Variants in ENTPD5 observed in about 807,000 individuals in gnomAD.
ENTPD5 encodes the protein nucleoside diphosphate phosphatase ENTPD5.
Under a neutral mutation model 60.2 loss-of-function variants are expected in ENTPD5, and 49 were observed. The observed-to-expected ratio is 0.81, with a 90% CI of 0.65 to 1.03. The LOEUF (loss-of-function observed/expected upper bound fraction) is 1.03. ENTPD5 is among the 50% of genes least tolerant of loss of function. ENTPD5 has a pLI of 0.00. For synonymous variants in ENTPD5, 187 were observed against 185.4 expected, an observed-to-expected ratio of 1.01 and a Z score of -0.07; for missense variants, 480 against 507.6, an observed-to-expected ratio of 0.95 and a Z score of 0.52.
intron 2 of ENTPD5, among the ~76,000 whole-genome samples, chr14:74,013,831 T>C (rs2058923879): frequency 6.6e-6 from 1 of 152,232 alleles, no homozygotes; most frequent in African/African-American, 2.4e-5. Flanking sequence ...ATTCATTAAA[T>C]GTTTCTTAAA....
intron 3 of ENTPD5, among the ~76,000 whole-genome samples, chr14:73,991,090 T>C (rs2058108951): frequency 6.6e-6 from 1 of 152,208 alleles, no homozygotes; most frequent in African/African-American, 2.4e-5. Flanking sequence ...GCATCCATAC[T>C]TCACAGTTGC....
chr14:73,959,495 A>G, downstream of ENTPD5: 2 of 1,614,116 alleles, frequency 1.2e-6, no homozygotes, highest in Non-Finnish European at 1.7e-6. Flanking sequence ...ATGAGGAAAA[A>G]TTTGTGGATG....
chr14:73,993,130 A>T (rs1265967839), intron 3 of ENTPD5, among the ~76,000 whole-genome samples: 1 of 152,162 alleles, frequency 6.6e-6, no homozygotes, highest in African/African-American at 2.4e-5. Context: ...TGAGGTCAGG[A>T]GTTCGAGACC....
At chr14:73,980,000 G>A (rs1401335816) in intron 6 of ENTPD5, among the ~76,000 whole-genome samples, 3 of 146,534 alleles carry the variant, frequency 2.0e-5, no homozygotes, top group East Asian at 4.1e-4. Context: ...AGGCTGGAGT[G>A]CAATGGCACG....
At chr14:73,987,794 T>C in intron 4 of ENTPD5, 92 bp downstream of exon 4, 1 of 1,186,770 alleles carries the variant, frequency 8.4e-7, no homozygotes, top group Non-Finnish European at 1.2e-6. Context: ...GATTCTGTAA[T>C]TCACATAATA....
intron 3 of ENTPD5, among the ~76,000 whole-genome samples, chr14:73,999,178 T>A (rs1367114366): frequency 6.6e-6 from 1 of 152,154 alleles, no homozygotes; most frequent in Non-Finnish European, 1.5e-5. Context: ...ACCGTAACTT[T>A]TTAAACTAAG....
intron 6 of ENTPD5, among the ~76,000 whole-genome samples, chr14:73,978,062 C>T (rs1040630254): frequency 5.9e-5 from 9 of 152,110 alleles, no homozygotes; most frequent in Non-Finnish European, 2.9e-5. Flanking sequence ...GTTTGCTGTT[C>T]TCATTTCTGA....
intron 1 of ENTPD5, among the ~76,000 whole-genome samples, chr14:74,017,517 G>A (rs1427724754): frequency 6.6e-6 from 1 of 151,432 alleles, no homozygotes; most frequent in Non-Finnish European, 1.5e-5. Context: ...GGTGGAGGTT[G>A]CGGTGAGCCG....
chr14:73,986,803 A>T lies in ENTPD5; in HGVS notation c.297+11T>A, dbSNP rs759854124. 1.2e-6 allele frequency: 2 copies of T among 1,606,022 alleles called. No homozygotes were observed. The highest frequency in any genetic ancestry group is 1.7e-5 in the Admixed American group (1 of 59,672). On this transcript the variant is annotated intron_variant, in intron 5 of 15. Coordinates refer to ENST00000334696, the MANE Select transcript of ENTPD5 (RefSeq NM_001249.5). The stretch of plus-strand genomic sequence containing the variant: ...ATTGAGAATCTAAACATCAAATCAT[A>T]AGAAACTCACCTGCTTAGGTTGATC...
At chr14:73,956,947 G>A (rs1365135740), downstream of ENTPD5, among the ~76,000 whole-genome samples, 6 of 152,104 alleles carry the variant, frequency 3.9e-5, no homozygotes, top group Non-Finnish European at 8.8e-5. Flanking sequence ...GATCACACTT[G>A]TGTGTGCATG....
intron 3 of ENTPD5, among the ~76,000 whole-genome samples, chr14:74,000,712 A>C (rs1198663269): frequency 6.6e-6 from 1 of 151,842 alleles, no homozygotes; most frequent in African/African-American, 2.4e-5. Context: ...CTGGGAGGCG[A>C]GGCTGCAGGG....
At chr14:73,968,009 A>T (rs2057059922) in intron 15 of ENTPD5, among the ~76,000 whole-genome samples, 1 of 151,844 alleles carries the variant, frequency 6.6e-6, no homozygotes, top group Non-Finnish European at 1.5e-5. Flanking sequence ...CTGTAATCCC[A>T]GCTACTTCGG....
In ENTPD5 at chr14:73,971,853, T is replaced by C. The variant is rs2057240004; in HGVS notation, c.1083A>G (p.Glu361=). ...KVEDFERKAR[E]VCDNLENFTS... ...TCAAGGGCTTCCCCTGACACTTACC[T>C]TCCCTGGCTTTTCTTTCAAAATCTT... Residue 361 remains glutamate (E), a splice_region_variant and synonymous_variant, in exon 14 of 16, where the codon GAA becomes GAG. Transcript: ENST00000334696. 1 of 1,604,486 alleles carries C rather than the reference T, an allele frequency of 6.2e-7. No homozygotes were observed. The highest frequency in any genetic ancestry group is 1.3e-5 in the African/African-American group (1 of 74,722).
rs1174494890 is a variant in ENTPD5 at position 73,965,458 on chromosome 14, G to GC, written c.*1469_*1470insG. The stretch of plus-strand genomic sequence containing the variant: ...AAAGTGCAAGATAAGGCCAGGCGCG[G>GC]TGTCTCATGCCTGTAATCCCAGCAC... On this transcript the variant is annotated 3_prime_UTR_variant, in exon 16 of 16. Coordinates refer to ENST00000334696, the MANE Select transcript of ENTPD5 (RefSeq NM_001249.5). The GC allele has an allele frequency of 6.6e-6, 1 of 152,246 alleles. No homozygotes were observed. Among genetic ancestry groups the GC allele is most frequent in the Non-Finnish European group, 1.5e-5 (1 of 68,080 alleles). The allele number at this position is 152,246 out of a possible 1,614,324, so 9.4% of individuals were successfully genotyped here. A position where few individuals can be genotyped will look rare whatever the true frequency, so the allele number is the denominator to read the frequency against.
chr14:73,961,170 C>T, downstream of ENTPD5: 3 of 1,613,188 alleles, frequency 1.9e-6, no homozygotes, highest in Non-Finnish European at 1.7e-6. Flanking sequence ...TGATGCTGCT[C>T]AGTGGAGTGA....
At chr14:74,015,483 C>A (rs2058990211) in intron 2 of ENTPD5, among the ~76,000 whole-genome samples, 1 of 151,326 alleles carries the variant, frequency 6.6e-6, no homozygotes, top group Admixed American at 6.6e-5. Context: ...TCCTGAGTAG[C>A]TGGAACTACA....
chr14:73,977,277 C>T (rs747715804), intron 7 of ENTPD5, 22 bp downstream of exon 7: 16 of 1,582,068 alleles, frequency 1.0e-5, no homozygotes, highest in Admixed American at 3.4e-5. Context: ...CCCCCTGGAA[C>T]GCATATCAAC....
At chr14:73,983,269 G>T in intron 5 of ENTPD5, 108 bp from the exon 6 acceptor site, 1 of 1,158,926 alleles carries the variant, frequency 8.6e-7, no homozygotes, top group Non-Finnish European at 1.2e-6. Context: ...GGTGGCATAG[G>T]GCTCCAACCT....
chr14:73,986,359 C>G (rs1468458749), intron 5 of ENTPD5: 1 of 155,226 alleles, frequency 6.4e-6, no homozygotes, highest in Non-Finnish European at 1.4e-5. Flanking sequence ...AGATTTTTGT[C>G]ATCATGGGTT....
Sources: gnomAD v4.1 joint callset for allele counts (sites outside exome capture counted in the v4.1 genomes callset) on GRCh38, gnomAD v4.1.1 for gene constraint, MANE v1.5 for transcripts, NCBI Gene and HGNC (gene_info 2026-07-23, HGNC 2026-07-21) for gene names.